Variants in MID2 observed in about 807,000 individuals in gnomAD.
The protein encoded by MID2 is probable E3 ubiquitin-protein ligase MID2.
MID2 carries 13 observed loss-of-function variants against 46.1 expected under a neutral mutation model. That is an observed-to-expected ratio of 0.28 (90% CI 0.18 to 0.45). The LOEUF is 0.45. MID2 is among the 20% of genes least tolerant of loss of function. MID2 has a pLI of 1.00. For synonymous variants in MID2, 199 were observed against 212.3 expected (o/e 0.94, Z 0.55); for missense variants, 431 against 575.4 (o/e 0.75, Z 2.57).
chrX:107,865,150 A>T (rs1249502782), intron 3 of MID2, among the ~76,000 whole-genome samples: 2 of 112,184 alleles, frequency 1.8e-5, no homozygotes, highest in Non-Finnish European at 3.8e-5. Flanking sequence ...ACTATGCTGT[A>T]TTAAAAAAGA....
At chrX:107,827,334 C>A (rs1001431251) in intron 1 of MID2, among the ~76,000 whole-genome samples, 4 of 110,784 alleles carry the variant, frequency 3.6e-5, no homozygotes, top group African/African-American at 1.3e-4. Context: ...CTTGCCTACC[C>A]AAATCCCCCA....
chrX:107,902,863 T>C (rs1336675238), intron 3 of MID2, among the ~76,000 whole-genome samples: 2 of 111,406 alleles, frequency 1.8e-5, no homozygotes, highest in Non-Finnish European at 3.8e-5. Flanking sequence ...GATCCTTGAA[T>C]AGACTCTTGG....
intron 1 of MID2, among the ~76,000 whole-genome samples, chrX:107,830,218 C>T (rs1340099277): frequency 8.9e-6 from 1 of 112,479 alleles, no homozygotes; most frequent in Non-Finnish European, 1.9e-5. Flanking sequence ...CAGACAGGGA[C>T]ACAGAGCCCT....
In MID2 at chrX:107,926,678, A is replaced by G. The variant is rs771305979; in HGVS notation, c.1813A>G (p.Ile605Val). The G allele has an allele frequency of 1.7e-6, 2 of 1,207,929 alleles. No homozygotes were observed. The highest frequency in any genetic ancestry group is 1.7e-5 in the African/African-American group (1 of 57,742). ...CTTTCCACTGTCTCACAGGTATGCA[A>G]TTGGCATTGCCTACAAATCAGCTCC... is the stretch of plus-strand genomic sequence containing the variant. ...VVMGSSTWYA[I>V]GIAYKSAPKN... The change falls in exon 10 of 10, where the codon ATT becomes GTT. Residue 605 changes from isoleucine to valine, a missense_variant. Physicochemically the swap from Ile to Val is conservative, Grantham distance 29. Coordinates refer to ENST00000262843, the MANE Select transcript of MID2 (RefSeq NM_012216.4).
chrX:107,862,239 G>A (rs1224895664), intron 3 of MID2, among the ~76,000 whole-genome samples: 1 of 111,582 alleles, frequency 9.0e-6, no homozygotes, highest in Non-Finnish European at 1.9e-5. Context: ...AGTACTAGTA[G>A]TAGTAATTTT....
intron 3 of MID2, among the ~76,000 whole-genome samples, chrX:107,901,551 G>A (rs1932794688): frequency 1.8e-5 from 2 of 111,258 alleles, no homozygotes; most frequent in South Asian, 3.8e-4. Context: ...AAATAATTAC[G>A]GAGCATCTAC....
chrX:107,882,589 G>A (rs1215628861), intron 3 of MID2, among the ~76,000 whole-genome samples: 1 of 111,708 alleles, frequency 9.0e-6, no homozygotes, highest in Non-Finnish European at 1.9e-5. Flanking sequence ...GCAGCCAAAA[G>A]ACACATGAAA....
In MID2 at chrX:107,927,087, A is replaced by G. The variant is rs1569472409; in HGVS notation, c.*14A>G. The G allele has an allele frequency of 1.7e-6, 2 of 1,175,213 alleles. No individual in the cohort carries two copies. The highest frequency in any genetic ancestry group is 2.3e-6 in the Non-Finnish European group (2 of 873,634). On this transcript the variant is annotated 3_prime_UTR_variant, in exon 10 of 10. Transcript: ENST00000262843. ...ACCTGTCATTAAGTTTCAGGAGAGT[A>G]TATAATTCACTGGCTCTCTAGTTCA...
intron 3 of MID2, among the ~76,000 whole-genome samples, chrX:107,890,055 G>A (rs756872379): frequency 3.1e-4 from 34 of 110,945 alleles, no homozygotes; most frequent in African/African-American, 8.5e-4. Flanking sequence ...TCTTTGCCTT[G>A]GATTCGAACT....
At chrX:107,871,510 A>C (rs1272518762) in intron 3 of MID2, among the ~76,000 whole-genome samples, 1 of 111,879 alleles carries the variant, frequency 8.9e-6, no homozygotes, top group Non-Finnish European at 1.9e-5. Context: ...TGAATGGCTT[A>C]AGTGTTAACA....
intron 3 of MID2, among the ~76,000 whole-genome samples, chrX:107,877,691 C>T (rs1932229877): frequency 8.9e-6 from 1 of 111,989 alleles, no homozygotes; most frequent in African/African-American, 3.2e-5. Context: ...AGGGCTTTAT[C>T]TATGCCGTGG....
At position 107,903,979 on chromosome X, in the gene MID2, G is replaced by A. The variant is rs751132909; in HGVS notation, c.838G>A (p.Ala280Thr). 68 of 1,206,141 alleles carry A rather than the reference G, an allele frequency of 5.6e-5. No individual in the cohort carries two copies. The highest frequency in any genetic ancestry group is 7.5e-5 in the Non-Finnish European group (67 of 891,660). The change falls in exon 4 of 10, where the codon GCA becomes ACA. Residue 280 changes from alanine to threonine, a missense_variant. Ala to Thr is a moderately conservative substitution (Grantham distance 58, BLOSUM62 0). Transcript: ENST00000262843. ...GCAGGTGAATACTGCTATGCATGAGGCAAAACTTATGGAAGAATGTGACGA... is the reference window on the plus strand; with the variant it reads ...GCAGGTGAATACTGCTATGCATGAGACAAAACTTATGGAAGAATGTGACGA... ...QVEVNTAMHE[A>T]KLMEECDELV... is the part of the protein sequence containing the mutation.
At chrX:107,837,157 C>G (rs1270114650) in intron 1 of MID2, among the ~76,000 whole-genome samples, 1 of 112,122 alleles carries the variant, frequency 8.9e-6, no homozygotes, top group African/African-American at 3.2e-5. Context: ...TAATGAGGTT[C>G]AAGTGTCACA....
chrX:107,867,694 A>T (rs1931987708), intron 3 of MID2, among the ~76,000 whole-genome samples: 1 of 111,368 alleles, frequency 9.0e-6, no homozygotes, highest in Non-Finnish European at 1.9e-5. Context: ...GATAGATTTG[A>T]ATTATATTTA....
At chrX:107,888,115 T>C (rs1932506732) in intron 3 of MID2, among the ~76,000 whole-genome samples, 1 of 112,080 alleles carries the variant, frequency 8.9e-6, no homozygotes, top group African/African-American at 3.2e-5. Context: ...TTTTTGTGTC[T>C]CTATTTCCTT....
chrX:107,826,063 C>T lies in MID2; in HGVS notation c.-364C>T, dbSNP rs1930933222. Reference sequence around the variant, plus strand: ...TCCGCCTCCCTTTTGGAAGGGATTGCCTTTTTTTTCCTCTGCGGCGGCGGA... The same window carrying T: ...TCCGCCTCCCTTTTGGAAGGGATTGTCTTTTTTTTCCTCTGCGGCGGCGGA... On this transcript the variant is annotated 5_prime_UTR_variant, in exon 1 of 10. Transcript: ENST00000262843. 1 of 293,977 alleles carries T rather than the reference C, an allele frequency of 3.4e-6. No homozygotes were observed. Among genetic ancestry groups the T allele is most frequent in the Admixed American group, 6.2e-5 (1 of 16,227 alleles). The allele number at this position is 293,977 out of a possible 1,213,427, so 24.2% of individuals were successfully genotyped here. A position where few individuals can be genotyped will look rare whatever the true frequency, so the allele number is the denominator to read the frequency against.
At chrX:107,900,343 T>A (rs767632605) in intron 3 of MID2, among the ~76,000 whole-genome samples, 1 of 111,967 alleles carries the variant, frequency 8.9e-6, no homozygotes, top group Non-Finnish European at 1.9e-5. Flanking sequence ...GTACCAGTTA[T>A]AATGGGAGAG....
intron 3 of MID2, among the ~76,000 whole-genome samples, chrX:107,870,043 A>G (rs1318261313): frequency 9.0e-6 from 1 of 111,635 alleles, no homozygotes; most frequent in African/African-American, 3.3e-5. Flanking sequence ...GCTATTTATT[A>G]TATTTGAATG....
Position 107,920,783 on chromosome X carries a change from T to C in MID2, c.1435+3044T>C, listed in dbSNP as rs577130259. Among the ~76,000 whole-genome samples the C allele has an allele frequency of 5.3e-5, 6 of 112,225 alleles. No homozygotes were observed. The South Asian group carries it at 2.2e-3, about 42-fold the overall frequency. ...CCAAGACTAGCACAAAGAACACCCATATATTCTTTACCCAAATTCACCTAC... is the reference window on the plus strand; with the variant it reads ...CCAAGACTAGCACAAAGAACACCCACATATTCTTTACCCAAATTCACCTAC... On this transcript the variant is annotated intron_variant, in intron 7 of 9. Transcript: ENST00000262843.
Sources: gnomAD v4.1 joint callset for allele counts (sites outside exome capture counted in the v4.1 genomes callset) on GRCh38, gnomAD v4.1.1 for gene constraint, MANE v1.5 for transcripts, NCBI Gene and HGNC (gene_info 2026-07-23, HGNC 2026-07-21) for gene names.